IGSF11: variants seen among roughly 807,000 people sequenced by gnomAD.
IGSF11 encodes immunoglobulin superfamily member 11.
A neutral mutation model predicts 41.0 loss-of-function variants in IGSF11; 22 were observed. The observed-to-expected ratio is 0.54, with a 90% CI of 0.38 to 0.77. IGSF11 has a LOEUF of 0.77. IGSF11 is among the 30% of genes least tolerant of loss of function. IGSF11 has a pLI of 0.00. For synonymous variants in IGSF11, 219 were observed against 201.3 expected, an observed-to-expected ratio of 1.09 and a Z score of -0.74; for missense variants, 444 against 530.8, an observed-to-expected ratio of 0.84 and a Z score of 1.61.
chr3:118,951,431 A>C (rs1244563346), intron 1 of IGSF11, among the ~76,000 whole-genome samples: 1 of 152,156 alleles, frequency 6.6e-6, no homozygotes, highest in African/African-American at 2.4e-5. Flanking sequence ...CATCACACAG[A>C]TACAACTACA....
chr3:119,130,686 C>CTT (rs1451126031), intron 1 of IGSF11, among the ~76,000 whole-genome samples: 214 of 152,344 alleles, frequency 1.4e-3, no homozygotes, highest in Non-Finnish European at 2.5e-3. Flanking sequence ...CCCTGTCTGA[C>CTT]AGCTCTGAAG....
At chr3:119,008,179 A>C (rs187752919) in intron 1 of IGSF11, among the ~76,000 whole-genome samples, 85 of 152,182 alleles carry the variant, frequency 5.6e-4, no homozygotes, top group African/African-American at 2.0e-3. Context: ...ACAACAACAA[A>C]AAAAACGTAA....
At position 118,926,052 on chromosome 3, in the gene IGSF11, G is replaced by C. The variant is rs777863624; in HGVS notation, c.580+49C>G. ...AAAGTTAATTACTTTTTGAATATTA[G>C]AATTGTCCATGATAACTAATAAAAT... On this transcript the variant is annotated intron_variant, in intron 4 of 6. Coordinates refer to ENST00000393775, the MANE Select transcript of IGSF11 (RefSeq NM_001015887.3). 3 of 1,320,016 alleles carry C rather than the reference G, an allele frequency of 2.3e-6. No homozygotes were observed. In the African/African-American group the frequency reaches 4.5e-5, roughly 20 times the overall value. 81.8% of individuals were successfully genotyped at this position (1,320,016 alleles called of 1,614,324 possible).
intron 1 of IGSF11, among the ~76,000 whole-genome samples, chr3:118,988,814 A>G (rs140864645): frequency 1.3e-5 from 2 of 152,344 alleles, no homozygotes; most frequent in African/African-American, 4.8e-5. Context: ...CACTTGTGCT[A>G]ATAATATGGA....
At chr3:118,943,616 A>T (rs1298143306) in intron 1 of IGSF11, among the ~76,000 whole-genome samples, 1 of 152,230 alleles carries the variant, frequency 6.6e-6, no homozygotes. Context: ...GGACTTCTGA[A>T]AATCTAGGCT....
intron 1 of IGSF11, among the ~76,000 whole-genome samples, chr3:118,958,943 T>C (rs1411956593): frequency 1.3e-5 from 2 of 152,222 alleles, no homozygotes; most frequent in African/African-American, 2.4e-5. Context: ...AGTCATCATT[T>C]CATTTCATAA....
chr3:119,138,870 G>A (rs1433723063), intron 1 of IGSF11, among the ~76,000 whole-genome samples: 1 of 152,144 alleles, frequency 6.6e-6, no homozygotes, highest in African/African-American at 2.4e-5. Flanking sequence ...ACAGAGGCTG[G>A]GAAGTGTAGT....
intron 1 of IGSF11, among the ~76,000 whole-genome samples, chr3:119,073,427 G>C (rs1343713091): frequency 2.0e-5 from 3 of 152,194 alleles, no homozygotes; most frequent in Non-Finnish European, 4.4e-5. Flanking sequence ...CGATCGATGG[G>C]GACTGGATGC....
At chr3:119,076,157 G>C (rs1404359238) in intron 1 of IGSF11, among the ~76,000 whole-genome samples, 1 of 152,164 alleles carries the variant, frequency 6.6e-6, no homozygotes, top group Non-Finnish European at 1.5e-5. Flanking sequence ...ACAAGAAATG[G>C]GGAAAGGATT....
upstream of IGSF11, among the ~76,000 whole-genome samples, chr3:119,036,874 A>AGGGC (rs1206168825): frequency 6.6e-6 from 1 of 152,130 alleles, no homozygotes; most frequent in East Asian, 1.9e-4. Context: ...TCAGTAAAGG[A>AGGGC]GCCCTTTCAA....
intron 1 of IGSF11, among the ~76,000 whole-genome samples, chr3:119,087,955 T>C (rs2076703732): frequency 6.6e-6 from 1 of 152,082 alleles, no homozygotes; most frequent in African/African-American, 2.4e-5. Flanking sequence ...ACAAAAGACT[T>C]AGGCAACTAT....
chr3:119,119,175 T>C (rs2077298976), intron 1 of IGSF11, among the ~76,000 whole-genome samples: 1 of 152,268 alleles, frequency 6.6e-6, no homozygotes, highest in African/African-American at 2.4e-5. Flanking sequence ...TGGTACCAAT[T>C]TACTGTATTA....
intron 1 of IGSF11, among the ~76,000 whole-genome samples, chr3:118,979,394 A>C (rs904754137): frequency 2.6e-5 from 4 of 152,198 alleles, no homozygotes; most frequent in African/African-American, 9.6e-5. Flanking sequence ...ACATCCAGAT[A>C]CAGAAGTTCA....
At chr3:118,965,264 T>C (rs1344568173) in intron 1 of IGSF11, among the ~76,000 whole-genome samples, 1 of 152,016 alleles carries the variant, frequency 6.6e-6, no homozygotes, top group African/African-American at 2.4e-5. Context: ...ATACTCAAAT[T>C]CTAACATGAG....
upstream of IGSF11, among the ~76,000 whole-genome samples, chr3:119,039,014 T>C (rs1941014758): frequency 1.3e-5 from 2 of 152,156 alleles, no homozygotes; most frequent in Admixed American, 1.3e-4. Flanking sequence ...AAGGAATCCA[T>C]CTACAGTCCA....
At chr3:119,144,536 A>G (rs1456606322) in intron 1 of IGSF11, among the ~76,000 whole-genome samples, 1 of 149,834 alleles carries the variant, frequency 6.7e-6, no homozygotes, top group African/African-American at 2.5e-5. Context: ...ACTAGACAAC[A>G]TACTTTTAAA....
chr3:118,933,444 C>T (rs956624600), intron 1 of IGSF11, among the ~76,000 whole-genome samples: 4 of 141,660 alleles, frequency 2.8e-5, no homozygotes, highest in Non-Finnish European at 6.0e-5. Context: ...CCACATTAAG[C>T]TCTCTCTACA....
intron 1 of IGSF11, among the ~76,000 whole-genome samples, chr3:118,988,235 A>G (rs1356031856): frequency 6.6e-6 from 1 of 152,234 alleles, no homozygotes; most frequent in Non-Finnish European, 1.5e-5. Context: ...TATGTACATG[A>G]TAGTGTATGA....
chr3:119,045,862 A>G (rs1941325715), intron 1 of IGSF11, among the ~76,000 whole-genome samples: 1 of 151,912 alleles, frequency 6.6e-6, no homozygotes, highest in Non-Finnish European at 1.5e-5. Flanking sequence ...CCTAACTGGG[A>G]GGCACCCCCC....
Sources: allele counts gnomAD v4.1 joint callset (sites outside exome capture counted in the v4.1 genomes callset), GRCh38; gene constraint gnomAD v4.1.1; transcripts MANE v1.5; gene names NCBI Gene and HGNC (gene_info 2026-07-23, HGNC 2026-07-21).